The following GNB4 variants were observed in gnomAD, a reference collection of about 807,000 sequenced individuals.
GNB4 encodes the protein G protein subunit beta 4, also known as guanine nucleotide-binding protein subunit beta-4.
GNB4 carries 28 observed loss-of-function variants against 45.2 expected under a neutral mutation model. The ratio of observed to expected loss-of-function variants is 0.62; its 90% CI spans 0.46 to 0.85. The LOEUF is 0.85. Among genes scored for constraint, GNB4 ranks in the 40% least tolerant of loss-of-function variants. GNB4 has a pLI of 0.00. For synonymous variants in GNB4, 132 were observed against 143.7 expected, an observed-to-expected ratio of 0.92 and a Z score of 0.58; for missense variants, 321 against 425.4, an observed-to-expected ratio of 0.75 and a Z score of 2.16.
intron 1 of GNB4, among the ~76,000 whole-genome samples, chr3:179,444,952 G>T (rs1038926928): frequency 3.3e-5 from 5 of 151,744 alleles, no homozygotes; most frequent in African/African-American, 1.2e-4. Context: ...AACAATCTCT[G>T]GGTAAAGGTG....
chr3:179,489,793 C>A, the GNB4 span, among the ~76,000 whole-genome samples: 4 of 152,148 alleles, frequency 2.6e-5, no homozygotes, highest in African/African-American at 9.7e-5. Context: ...TGATTTAATT[C>A]TCTCAGAGTG....
chr3:179,484,186 T>TA, the GNB4 span, among the ~76,000 whole-genome samples: 1 of 152,334 alleles, frequency 6.6e-6, no homozygotes. Flanking sequence ...TGTGAGATGT[T>TA]AAAACCAGTT....
chr3:179,494,638 A>G, the GNB4 span, among the ~76,000 whole-genome samples: 2 of 152,020 alleles, frequency 1.3e-5, no homozygotes, highest in Non-Finnish European at 2.9e-5. Flanking sequence ...GGCCAGGCGC[A>G]GTGGCTCACG....
At chr3:179,439,091 T>G (rs1025828899) in intron 1 of GNB4, among the ~76,000 whole-genome samples, 4 of 152,198 alleles carry the variant, frequency 2.6e-5, no homozygotes, top group African/African-American at 9.7e-5. Flanking sequence ...TTCCCAGGAC[T>G]ACAGACTCGG....
rs564141198 is a variant in GNB4 at position 179,422,392 on chromosome 3, C to T, written c.58-1465G>A. Among the ~76,000 whole-genome samples, 6 of 151,032 alleles carry T rather than the reference C, an allele frequency of 4.0e-5. 1 individual carries two copies. Among genetic ancestry groups the T allele is most frequent in the South Asian group, 2.1e-4 (1 of 4,770 alleles). ...CTATAATCCCAGCACTTTGGGAGGC[C>T]GAGGAGGAAGGATCGCTCGAGCCCA... is the stretch of plus-strand genomic sequence containing the variant. On this transcript the variant is annotated intron_variant, in intron 2 of 9. Transcript: ENST00000232564.
At chr3:179,464,178 G>A in the GNB4 span, among the ~76,000 whole-genome samples, 3 of 152,148 alleles carry the variant, frequency 2.0e-5, no homozygotes, top group East Asian at 5.8e-4. Context: ...TTAACCTGGG[G>A]CTGGGTGCAG....
intron 1 of GNB4, among the ~76,000 whole-genome samples, chr3:179,433,068 C>CA (rs1036226441): frequency 4.6e-5 from 7 of 151,734 alleles, no homozygotes; most frequent in Non-Finnish European, 2.9e-5. Flanking sequence ...GGCAGTAAAC[C>CA]AAAAAAATCA....
chr3:179,509,745 C>A, the GNB4 span, among the ~76,000 whole-genome samples: 1 of 151,504 alleles, frequency 6.6e-6, no homozygotes, highest in Non-Finnish European at 1.5e-5. Flanking sequence ...AGCAAAAGAT[C>A]ACATCTGTCC....
the GNB4 span, among the ~76,000 whole-genome samples, chr3:179,520,704 C>T: frequency 6.6e-6 from 1 of 152,122 alleles, no homozygotes; most frequent in East Asian, 1.9e-4. Flanking sequence ...CTGGCCCAGA[C>T]TTCAATCCGG....
At chr3:179,520,290 G>A in the GNB4 span, among the ~76,000 whole-genome samples, 1 of 151,802 alleles carries the variant, frequency 6.6e-6, no homozygotes, top group African/African-American at 2.4e-5. Flanking sequence ...ACCTATCTCG[G>A]CATAATTCTC....
intron 6 of GNB4, among the ~76,000 whole-genome samples, chr3:179,414,122 T>A (rs938562356): frequency 1.3e-5 from 2 of 152,140 alleles, no homozygotes; most frequent in African/African-American, 4.8e-5. Context: ...GAGAAATAGT[T>A]TTAAAATACT....
the GNB4 span, among the ~76,000 whole-genome samples, chr3:179,498,437 T>TTTTG: frequency 6.6e-6 from 1 of 152,274 alleles, no homozygotes; most frequent in South Asian, 2.1e-4. Context: ...AGTTTTGTTT[T>TTTTG]TTTGTTTGTT....
chr3:179,476,740 A>G, the GNB4 span, among the ~76,000 whole-genome samples: 2 of 152,236 alleles, frequency 1.3e-5, no homozygotes, highest in South Asian at 4.1e-4. Context: ...CCACGTAAAT[A>G]CCACCAAAGT....
the GNB4 span, among the ~76,000 whole-genome samples, chr3:179,523,834 C>T: frequency 9.2e-5 from 14 of 151,988 alleles, no homozygotes; most frequent in South Asian, 4.2e-4. Context: ...GGGAAAAGGG[C>T]GGCAATGAGG....
chr3:179,467,889 G>A, the GNB4 span, among the ~76,000 whole-genome samples: 11 of 151,632 alleles, frequency 7.3e-5, no homozygotes, highest in East Asian at 1.9e-3. Flanking sequence ...TACCTCTGTC[G>A]AACCTGTATT....
chr3:179,446,322 A>C (rs1439528029), intron 1 of GNB4, among the ~76,000 whole-genome samples: 1 of 152,262 alleles, frequency 6.6e-6, no homozygotes. Context: ...GGTAGTCAAT[A>C]AAGGTTCACT....
At chr3:179,494,727 G>A in the GNB4 span, among the ~76,000 whole-genome samples, 1 of 151,866 alleles carries the variant, frequency 6.6e-6, no homozygotes, top group Non-Finnish European at 1.5e-5. Context: ...GGCTAACACG[G>A]TGAAACCCCG....
upstream of GNB4, chr3:179,451,515 A>T (rs1715875916): frequency 6.6e-6 from 1 of 150,458 alleles, no homozygotes; most frequent in Admixed American, 6.6e-5. Context: ...GGCGCGCCGG[A>T]GCCGGGGCGG....
At chr3:179,525,861 C>T in the GNB4 span, among the ~76,000 whole-genome samples, 47 of 152,324 alleles carry the variant, frequency 3.1e-4, no homozygotes, top group South Asian at 5.6e-3. Flanking sequence ...TTTGGTCTGA[C>T]GACCCCAGTT....
Sources: allele counts gnomAD v4.1 joint callset (sites outside exome capture counted in the v4.1 genomes callset), GRCh38; gene constraint gnomAD v4.1.1; transcripts MANE v1.5; gene names NCBI Gene and HGNC (gene_info 2026-07-23, HGNC 2026-07-21).